EFCAB6: variants seen among roughly 807,000 people sequenced by gnomAD.
EFCAB6 encodes the protein EF-hand calcium binding domain 6.
Under a neutral mutation model 169.8 loss-of-function variants are expected in EFCAB6, and 156 were observed. The ratio of observed to expected loss-of-function variants is 0.92; its 90% confidence interval spans 0.81 to 1.05. The LOEUF (loss-of-function observed/expected upper bound fraction) is 1.05. Ranked by LOEUF, EFCAB6 falls within the 50% of genes least tolerant of loss-of-function variation. The pLI is 0.00. For missense variants in EFCAB6, 1,800 were observed against 1,829.1 expected (o/e 0.98, Z 0.29); for synonymous variants, 698 against 676.4 (o/e 1.03, Z -0.50).
intron 20 of EFCAB6, among the ~76,000 whole-genome samples, chr22:43,618,331 C>G (rs924940119): frequency 6.6e-6 from 1 of 151,942 alleles, no homozygotes; most frequent in African/African-American, 2.4e-5. Context: ...GTCAGGAAGA[C>G]CAGGGAGTGG....
intron 6 of EFCAB6, among the ~76,000 whole-genome samples, chr22:43,750,679 C>A (rs1388132201): frequency 6.6e-6 from 1 of 152,176 alleles, no homozygotes. Context: ...CCTGTCTATT[C>A]ATTCATGCTA....
chr22:43,551,424 C>T (rs185828458), intron 27 of EFCAB6, among the ~76,000 whole-genome samples: 106 of 152,294 alleles, frequency 7.0e-4, no homozygotes, highest in Admixed American at 9.2e-4. Context: ...TACTTTAGCA[C>T]GAACCTAATA....
intron 17 of EFCAB6, among the ~76,000 whole-genome samples, chr22:43,657,544 G>T (rs943235834): frequency 6.6e-6 from 1 of 151,906 alleles, no homozygotes; most frequent in Admixed American, 6.6e-5. Flanking sequence ...TGAATGAAAT[G>T]ATATTGAAAA....
chr22:43,733,401 G>T (rs564128951), intron 7 of EFCAB6, among the ~76,000 whole-genome samples: 3 of 152,310 alleles, frequency 2.0e-5, no homozygotes, highest in African/African-American at 7.2e-5. Context: ...CAAACACACT[G>T]GCCTCCAGGG....
chr22:43,629,561 G>C (rs956804772), intron 19 of EFCAB6, among the ~76,000 whole-genome samples: 1 of 152,174 alleles, frequency 6.6e-6, no homozygotes, highest in African/African-American at 2.4e-5. Flanking sequence ...GGGTTACTGT[G>C]GTGAATGATG....
At chr22:43,589,232 C>A (rs373361067) in intron 24 of EFCAB6, among the ~76,000 whole-genome samples, 3 of 135,558 alleles carry the variant, frequency 2.2e-5, no homozygotes, top group Admixed American at 7.7e-5. Flanking sequence ...CTGGCTGACA[C>A]GGTGTAACCC....
At chr22:43,538,657 G>A (rs2047525943) in intron 28 of EFCAB6, among the ~76,000 whole-genome samples, 1 of 152,176 alleles carries the variant, frequency 6.6e-6, no homozygotes, top group Admixed American at 6.5e-5. Context: ...AAAGTGCTGG[G>A]AGTACAGGTG....
chr22:43,637,744 G>A (rs1371438451), intron 17 of EFCAB6, among the ~76,000 whole-genome samples: 2 of 152,224 alleles, frequency 1.3e-5, no homozygotes, highest in Admixed American at 1.3e-4. Context: ...GCCCAGCTCT[G>A]CAGAGGAGCC....
rs2049951926 is a variant in EFCAB6, at chr22:43,572,499, G to A, written c.3420+3798C>T. On this transcript the variant is annotated intron_variant, in intron 26 of 31. Coordinates refer to ENST00000262726, the MANE Select transcript of EFCAB6 (RefSeq NM_022785.4). The surrounding 1 kb of genome is among the most constrained non-coding windows in gnomAD (Gnocchi z 4.0). ...CATGTCACTCAGAGTCAAAGCCAAA[G>A]TCTTTACAAGGACCCCAAGCCTACG... Among the ~76,000 whole-genome samples the A allele has an allele frequency of 6.6e-6, 1 of 152,162 alleles. No individual in the cohort carries two copies. Among genetic ancestry groups the A allele is most frequent in the African/African-American group, 2.4e-5 (1 of 41,444 alleles).
intron 7 of EFCAB6, 57 bp from the exon 8 acceptor site, chr22:43,731,868 T>C (rs986946292): frequency 9.0e-7 from 1 of 1,107,126 alleles, no homozygotes; most frequent in Non-Finnish European, 1.3e-6. Context: ...TGAAGCAAGT[T>C]TGTTACTAAG....
intron 8 of EFCAB6, 136 bp from the exon 9 acceptor site, chr22:43,717,108 T>G (rs2059356961): frequency 8.7e-7 from 1 of 1,148,606 alleles, no homozygotes; most frequent in Admixed American, 3.8e-5. Context: ...ACCATCTGAT[T>G]AATGGTGTTG....
At chr22:43,570,683 C>G (rs2049802647) in intron 26 of EFCAB6, among the ~76,000 whole-genome samples, 1 of 150,046 alleles carries the variant, frequency 6.7e-6, no homozygotes, top group Non-Finnish European at 1.5e-5. Context: ...ATGCCTTGTT[C>G]CTCTTTTATG....
chr22:43,670,500 T>C (rs1756546853), intron 15 of EFCAB6, among the ~76,000 whole-genome samples: 3 of 152,232 alleles, frequency 2.0e-5, no homozygotes, highest in Non-Finnish European at 4.4e-5. Context: ...GGGGCTGACA[T>C]GCTCTGTGTA....
intron 27 of EFCAB6, among the ~76,000 whole-genome samples, chr22:43,543,448 A>C (rs1418243379): frequency 6.6e-6 from 1 of 152,104 alleles, no homozygotes; most frequent in Non-Finnish European, 1.5e-5. Flanking sequence ...CCCCGATAGG[A>C]TGCAGAAGCC....
At chr22:43,777,566 G>C (rs995585419) in intron 3 of EFCAB6, among the ~76,000 whole-genome samples, 2 of 152,134 alleles carry the variant, frequency 1.3e-5, no homozygotes, top group Non-Finnish European at 2.9e-5. Context: ...CAGCAGCTGC[G>C]TGCTTCAGTA....
chr22:43,603,676 G>A (rs1026014260), intron 22 of EFCAB6, among the ~76,000 whole-genome samples: 1 of 152,258 alleles, frequency 6.6e-6, no homozygotes, highest in Non-Finnish European at 1.5e-5. Flanking sequence ...AGGGCAGAAT[G>A]AGGAGGTGTG....
intron 4 of EFCAB6, among the ~76,000 whole-genome samples, chr22:43,767,517 T>G (rs962492766): frequency 6.6e-6 from 1 of 152,170 alleles, no homozygotes; most frequent in African/African-American, 2.4e-5. Context: ...AACTTACATT[T>G]GCAGAGCTCA....
At chr22:43,546,595 G>T (rs986212487) in intron 27 of EFCAB6, among the ~76,000 whole-genome samples, 1 of 152,162 alleles carries the variant, frequency 6.6e-6, no homozygotes, top group Non-Finnish European at 1.5e-5. Flanking sequence ...TTCAGGCCGG[G>T]CGTGGTGGCT....
intron 24 of EFCAB6, among the ~76,000 whole-genome samples, chr22:43,587,044 T>C (rs944613021): frequency 1.3e-5 from 2 of 152,210 alleles, no homozygotes; most frequent in Non-Finnish European, 2.9e-5. Context: ...TGATATGTCC[T>C]GCAAATACCC....
Sources: allele counts gnomAD v4.1 joint callset (sites outside exome capture counted in the v4.1 genomes callset), GRCh38; gene constraint gnomAD v4.1.1; non-coding constraint Gnocchi (gnomAD v3.1); transcripts MANE v1.5; gene names NCBI Gene and HGNC (gene_info 2026-07-23, HGNC 2026-07-21).